Variants in RSPO2 observed in about 807,000 individuals in gnomAD.
The protein encoded by RSPO2 is R-spondin 2.
In RSPO2, 14 loss-of-function variants were observed where a neutral mutation model predicts 30.9. That is an observed-to-expected ratio of 0.45 (90% CI 0.30 to 0.71). RSPO2 has a LOEUF of 0.71. Ranked by LOEUF, RSPO2 falls within the 30% of genes least tolerant of loss-of-function variation. RSPO2 has a pLI of 0.08. For missense variants in RSPO2, 264 were observed against 301.9 expected (o/e 0.87, Z 0.93); for synonymous variants, 107 against 96.4 (o/e 1.11, Z -0.64).
At chr8:108,058,888 A>G (rs1812351453) in intron 2 of RSPO2, among the ~76,000 whole-genome samples, 1 of 151,708 alleles carries the variant, frequency 6.6e-6, no homozygotes, top group Admixed American at 6.6e-5. Context: ...CTAAAACCAT[A>G]AAAACCCTAG....
intron 2 of RSPO2, among the ~76,000 whole-genome samples, chr8:108,066,967 A>C (rs1812693254): frequency 6.6e-6 from 1 of 152,358 alleles, no homozygotes; most frequent in East Asian, 1.9e-4. Context: ...CAGCCAAAAA[A>C]GTTGAACCTG....
intron 2 of RSPO2, among the ~76,000 whole-genome samples, chr8:108,014,759 GAGCGC>G (rs756665378): frequency 4.6e-5 from 7 of 151,400 alleles, no homozygotes; most frequent in Admixed American, 1.3e-4. Context: ...ACGGGTTGAT[GAGCGC>G]AGCAAACCAC....
chr8:107,901,172 G>A lies in RSPO2; in HGVS notation c.635C>T (p.Ala212Val), dbSNP rs759429253. The A allele has an allele frequency of 1.3e-4, 211 of 1,613,106 alleles. 1 individual carries two copies. The highest frequency in any genetic ancestry group is 1.3e-3 in the South Asian group (115 of 91,034). Residue 212 changes from alanine (A) to valine (V), a missense_variant, in exon 6 of 6, where the codon GCG becomes GTG. Physicochemically the swap from Ala to Val is moderately conservative, Grantham distance 64. Transcript: ENST00000276659. Reference protein sequence around the residue: ...HCPGGKRTPKAKEKRNKKKKR... With the variant: ...HCPGGKRTPKVKEKRNKKKKR... ...CTTTTTCTTGTTCCTCTTCTCCTTC[G>A]CCTTTGGTGTTCTCTTCCCTGCAAT...
intron 2 of RSPO2, among the ~76,000 whole-genome samples, chr8:108,027,371 A>G (rs779748417): frequency 6.6e-6 from 1 of 152,212 alleles, no homozygotes; most frequent in Non-Finnish European, 1.5e-5. Context: ...TTCAGTGCCA[A>G]TAACAAGCCA....
intron 2 of RSPO2, among the ~76,000 whole-genome samples, chr8:108,043,398 T>G (rs957374550): frequency 6.6e-6 from 1 of 152,168 alleles, no homozygotes; most frequent in Non-Finnish European, 1.5e-5. Context: ...TTGTGGTCTT[T>G]CTGGGTCTGG....
At position 107,983,322 on chromosome 8, in the gene RSPO2, C is replaced by T. The variant is rs1032364523; in HGVS notation, c.283+5734G>A. On this transcript the variant is annotated intron_variant, in intron 3 of 5. Coordinates refer to ENST00000276659, the MANE Select transcript of RSPO2 (RefSeq NM_178565.5). ...GGGATAGCCATATGAAACAGCTCCT[C>T]CTCATCCAAGAGAGATGGAAAAGGG... 14 of 1,608,182 alleles carry T rather than the reference C, an allele frequency of 8.7e-6. 1 individual carries two copies. Among genetic ancestry groups the T allele is most frequent in the Admixed American group, 5.0e-5 (3 of 59,680 alleles).
chr8:108,033,486 G>A (rs1811495375), intron 2 of RSPO2, among the ~76,000 whole-genome samples: 1 of 152,146 alleles, frequency 6.6e-6, no homozygotes, highest in South Asian at 2.1e-4. Context: ...GCATGCCTGA[G>A]AGGCAGGTGC....
intron 2 of RSPO2, among the ~76,000 whole-genome samples, chr8:108,046,654 C>G (rs1811916217): frequency 6.6e-6 from 1 of 152,148 alleles, no homozygotes. Context: ...AAAAACTGCT[C>G]TATTAACTAC....
intron 2 of RSPO2, among the ~76,000 whole-genome samples, chr8:108,057,286 A>G (rs976458208): frequency 2.0e-5 from 3 of 152,012 alleles, no homozygotes; most frequent in Non-Finnish European, 2.9e-5. Context: ...TCAAAACTTT[A>G]TATTTATGTA....
chr8:108,050,331 T>C (rs572726372), intron 2 of RSPO2, among the ~76,000 whole-genome samples: 2 of 152,302 alleles, frequency 1.3e-5, no homozygotes, highest in East Asian at 3.9e-4. Flanking sequence ...TAACAATGCT[T>C]AATTTTAGAA....
At chr8:108,058,534 C>T (rs1030113829) in intron 2 of RSPO2, among the ~76,000 whole-genome samples, 23 of 152,174 alleles carry the variant, frequency 1.5e-4, no homozygotes, top group African/African-American at 3.9e-4. Context: ...GAGCCTGCAT[C>T]GCCAAGTCAA....
chr8:107,935,092 G>A (rs1429476963), intron 5 of RSPO2, among the ~76,000 whole-genome samples: 3 of 152,172 alleles, frequency 2.0e-5, no homozygotes, highest in African/African-American at 2.4e-5. Context: ...TGCCTGCGGG[G>A]CGGGACAGAA....
At chr8:108,044,046 T>A (rs1294282439) in intron 2 of RSPO2, among the ~76,000 whole-genome samples, 1 of 152,116 alleles carries the variant, frequency 6.6e-6, no homozygotes, top group Non-Finnish European at 1.5e-5. Context: ...ATAGATTTTT[T>A]GTTCTATGAA....
intron 5 of RSPO2, among the ~76,000 whole-genome samples, chr8:107,944,463 CAT>C (rs1411163814): frequency 6.6e-6 from 1 of 152,156 alleles, no homozygotes; most frequent in Non-Finnish European, 1.5e-5. Context: ...AAATAGGAGA[CAT>C]GTTACTGAAT....
chr8:107,995,194 T>C (rs147760494), intron 2 of RSPO2, among the ~76,000 whole-genome samples: 3 of 152,286 alleles, frequency 2.0e-5, no homozygotes, highest in Admixed American at 1.3e-4. Flanking sequence ...ATCTATTTCA[T>C]GGACATTCTC....
chr8:108,057,152 T>G (rs960126370), intron 2 of RSPO2, among the ~76,000 whole-genome samples: 1 of 146,792 alleles, frequency 6.8e-6, no homozygotes, highest in Non-Finnish European at 1.5e-5. Flanking sequence ...TTTTTAATAC[T>G]GAAATGGTTA....
At chr8:108,014,237 T>G (rs1247462350) in intron 2 of RSPO2, among the ~76,000 whole-genome samples, 14 of 152,190 alleles carry the variant, frequency 9.2e-5, no homozygotes. Context: ...ACTTTTACAC[T>G]GCTGGTGGGA....
chr8:108,070,899 T>C (rs1251189080), intron 2 of RSPO2, among the ~76,000 whole-genome samples: 1 of 152,238 alleles, frequency 6.6e-6, no homozygotes, highest in Non-Finnish European at 1.5e-5. Flanking sequence ...ATAAAATACT[T>C]TTTTCTTTAA....
intron 2 of RSPO2, among the ~76,000 whole-genome samples, chr8:108,026,531 A>C (rs562688080): frequency 2.6e-5 from 4 of 152,264 alleles, no homozygotes; most frequent in African/African-American, 9.6e-5. Context: ...AATTTCAGAA[A>C]AAATAGAGAA....
Sources: allele counts gnomAD v4.1 joint callset (sites outside exome capture counted in the v4.1 genomes callset), GRCh38; gene constraint gnomAD v4.1.1; transcripts MANE v1.5; gene names NCBI Gene and HGNC (gene_info 2026-07-23, HGNC 2026-07-21).